PREX1: variants seen among roughly 807,000 people sequenced by gnomAD.
The protein encoded by PREX1 is phosphatidylinositol 3,4,5-trisphosphate-dependent Rac exchanger 1 protein.
A neutral mutation model predicts 198.3 loss-of-function variants in PREX1; 41 were observed. The ratio of observed to expected loss-of-function variants is 0.21; its 90% CI spans 0.16 to 0.27. The LOEUF is 0.27. Among genes scored for constraint, PREX1 ranks in the 10% least tolerant of loss-of-function variants. PREX1 has a pLI of 1.00. For missense variants in PREX1, 1,620 were observed against 2,200.7 expected, an observed-to-expected ratio of 0.74 and a Z score of 5.28; for synonymous variants, 843 against 887.2, an observed-to-expected ratio of 0.95 and a Z score of 0.89.
At chr20:48,710,497 A>G (rs923718985) in intron 5 of PREX1, among the ~76,000 whole-genome samples, 7 of 152,174 alleles carry the variant, frequency 4.6e-5, no homozygotes, top group African/African-American at 1.4e-4. Context: ...AGGCACCATT[A>G]TTCTTCTCGA....
intron 5 of PREX1, among the ~76,000 whole-genome samples, chr20:48,720,498 G>A (rs13043310): frequency 0.26 from 39,889 of 151,814 alleles, 6,646 homozygotes; most frequent in African/African-American, 0.47. Context: ...AGCACCAACC[G>A]TGGCTGTCTC....
the PREX1 span, among the ~76,000 whole-genome samples, chr20:48,864,459 A>T: frequency 6.6e-6 from 1 of 152,364 alleles, no homozygotes; most frequent in Admixed American, 6.5e-5. Context: ...ATGTTGTTCA[A>T]AAAACTTTGT....
Position 48,738,338 on chromosome 20 carries a change from C to T in PREX1, c.415-3688G>A, listed in dbSNP as rs528659450. Reference sequence around the variant, plus strand: ...TCCTCATCCCCTGAGCCCCCTTCTACGACAAGGTCTGCAATGTTTTCCTCT... The same window carrying T: ...TCCTCATCCCCTGAGCCCCCTTCTATGACAAGGTCTGCAATGTTTTCCTCT... On this transcript the variant is annotated intron_variant, in intron 3 of 39. Coordinates refer to ENST00000371941, the MANE Select transcript of PREX1 (RefSeq NM_020820.4). Among the ~76,000 whole-genome samples the T allele has an allele frequency of 7.9e-5, 12 of 152,318 alleles. 1 individual carries two copies. The highest frequency in any genetic ancestry group is 2.9e-4 in the African/African-American group (12 of 41,570).
chr20:48,681,335 A>G lies in PREX1; in HGVS notation c.1335T>C (p.Asn445=), dbSNP rs376090983. 9.9e-6 allele frequency: 16 copies of G among 1,613,860 alleles called. No individual in the cohort carries two copies. Among genetic ancestry groups the G allele is most frequent in the Non-Finnish European group, 1.4e-5 (16 of 1,179,854 alleles). Residue 445 remains asparagine, a splice_region_variant and synonymous_variant, in exon 11 of 40, where the codon AAT becomes AAC. Coordinates refer to ENST00000371941, the MANE Select transcript of PREX1 (RefSeq NM_020820.4). ...LSTVPKCFLG[N]EFVAWLLEIG... ...TTTCTAGGAGCCAGGCAACGAACTC[A>G]CTGCCAGGAACACAATATGTGGTTG...
the PREX1 span, among the ~76,000 whole-genome samples, chr20:48,887,912 C>A: frequency 1.4e-5 from 2 of 146,036 alleles, no homozygotes; most frequent in African/African-American, 5.1e-5. Context: ...ATCACGCCGC[C>A]GCACTCCAGC....
chr20:48,650,035 C>T lies in PREX1; in HGVS notation c.2989G>A (p.Gly997Arg). The change falls in exon 24 of 40, where the codon GGA (glycine) becomes AGA (arginine). Residue 997 changes from glycine to arginine, a missense_variant. Gly to Arg is a moderately radical substitution (Grantham distance 125, BLOSUM62 -2). This residue lies in a region of PREX1 where 514 missense variants were observed against 611.6 expected (regional missense o/e 0.84). Transcript: ENST00000371941. ...SVGRSFSIRF[G>R]RKPSLIGLDP... ...AGGCCGATGAGGGAGGGTTTGCGTC[C>T]AAAGCGGATGCTGAAGGACCTGCCC... 2.5e-6 allele frequency: 4 copies of T among 1,614,196 alleles called. No homozygotes were observed. Among genetic ancestry groups the T allele is most frequent in the Non-Finnish European group, 3.4e-6 (4 of 1,180,042 alleles).
At position 48,636,630 on chromosome 20, in the gene PREX1, C is replaced by T. The variant is rs145091620; in HGVS notation, c.4000G>A (p.Ala1334Thr). ...DAIFCQALVA[A>T]VCTFSKQLLA... ...AGCTGCTTGGAGAAGGTGCACACGGCGGCCACCAGGGCCTGGCAGAAGATC... is the reference window on the plus strand; with the variant it reads ...AGCTGCTTGGAGAAGGTGCACACGGTGGCCACCAGGGCCTGGCAGAAGATC... The change falls in exon 32 of 40, where the codon GCC (alanine) becomes ACC (threonine). Residue 1334 changes from alanine (A) to threonine (T), a missense_variant. Physicochemically the swap from Ala to Thr is moderately conservative, Grantham distance 58 (BLOSUM62 0). Around this residue, in one of 7 missense-constraint regions of PREX1, gnomAD observed 476 missense variants for 603.4 expected, o/e 0.79. Transcript: ENST00000371941. 68 of 1,611,090 alleles carry T rather than the reference C, an allele frequency of 4.2e-5. No individual in the cohort carries two copies. Among genetic ancestry groups the T allele is most frequent in the African/African-American group, 3.1e-4 (23 of 75,028 alleles).
At chr20:48,766,679 G>A (rs969446144) in intron 1 of PREX1, among the ~76,000 whole-genome samples, 2 of 152,198 alleles carry the variant, frequency 1.3e-5, no homozygotes, top group Non-Finnish European at 2.9e-5. Flanking sequence ...CCCATACTTA[G>A]TGCCACCATG....
At chr20:48,816,086 C>T (rs114072145) in intron 1 of PREX1, among the ~76,000 whole-genome samples, 1,905 of 150,698 alleles carry the variant, frequency 0.013, 38 homozygotes, top group African/African-American at 0.044. Context: ...GTTGGAGAGA[C>T]CAGGTCTTAC....
intron 5 of PREX1, among the ~76,000 whole-genome samples, chr20:48,708,771 G>A (rs996852764): frequency 6.6e-6 from 1 of 152,156 alleles, no homozygotes; most frequent in African/African-American, 2.4e-5. Context: ...AGGGGGCACC[G>A]TGGTGCGAAG....
intron 10 of PREX1, 64 bp from the exon 11 acceptor site, chr20:48,681,399 C>T (rs1310347099): frequency 4.0e-6 from 6 of 1,509,980 alleles, no homozygotes; most frequent in Non-Finnish European, 5.5e-6. Context: ...GGAATCAGCA[C>T]TAAGCTGGCC....
At chr20:48,764,781 C>CA (rs1182093484) in intron 1 of PREX1, among the ~76,000 whole-genome samples, 7,045 of 80,214 alleles carry the variant, frequency 0.088, 261 homozygotes, top group South Asian at 0.2. Flanking sequence ...GACTCTTTCT[C>CA]AAAAAAAAAA....
intron 1 of PREX1, among the ~76,000 whole-genome samples, chr20:48,782,467 A>C (rs2090294119): frequency 6.6e-6 from 1 of 152,076 alleles, no homozygotes; most frequent in Admixed American, 6.5e-5. Context: ...TTACCTCTAT[A>C]AATTACCCAG....
chr20:48,741,919 C>T lies in PREX1; in HGVS notation c.414+3106G>A, dbSNP rs542327200. Among the ~76,000 whole-genome samples the T allele has an allele frequency of 6.3e-4, 96 of 152,264 alleles. 1 individual carries two copies. Among genetic ancestry groups the T allele is most frequent in the Admixed American group, 1.2e-3 (18 of 15,300 alleles). On this transcript the variant is annotated intron_variant, in intron 3 of 39. Transcript: ENST00000371941. ...TGGCTAGAGCCAGGGGAGCAAGTTC[C>T]GAGGAATGAACAGGGCCTGGCGGGC...
At chr20:48,799,567 C>G (rs1269574181) in intron 1 of PREX1, among the ~76,000 whole-genome samples, 1 of 152,242 alleles carries the variant, frequency 6.6e-6, no homozygotes, top group Non-Finnish European at 1.5e-5. Flanking sequence ...AAGCCACCCT[C>G]TGGGGCCCCA....
intron 1 of PREX1, among the ~76,000 whole-genome samples, chr20:48,758,478 G>A (rs1179963030): frequency 1.3e-5 from 2 of 152,174 alleles, no homozygotes; most frequent in African/African-American, 4.8e-5. Context: ...GCTTGGGGGG[G>A]TGAAAGACAG....
intron 7 of PREX1, among the ~76,000 whole-genome samples, chr20:48,697,954 G>A (rs763555125): frequency 3.3e-5 from 5 of 152,204 alleles, no homozygotes; most frequent in African/African-American, 4.8e-5. Flanking sequence ...GACAAACACA[G>A]TCAGCAGTCA....
At chr20:48,748,343 A>C (rs962656487) in intron 1 of PREX1, among the ~76,000 whole-genome samples, 2 of 152,170 alleles carry the variant, frequency 1.3e-5, no homozygotes, top group African/African-American at 4.8e-5. Flanking sequence ...AAACAGAGAA[A>C]GTCTCTCTCC....
intron 1 of PREX1, among the ~76,000 whole-genome samples, chr20:48,784,801 A>G (rs1998287): frequency 0.9 from 137,683 of 152,270 alleles, 62,370 homozygotes; most frequent in African/African-American, 0.92. Context: ...CACTGGCTGG[A>G]CAGAAGCAGC....
Sources: allele counts gnomAD v4.1 joint callset (sites outside exome capture counted in the v4.1 genomes callset), GRCh38; gene constraint gnomAD v4.1.1; regional missense constraint gnomAD v4.1.1; transcripts MANE v1.5; gene names NCBI Gene and HGNC (gene_info 2026-07-23, HGNC 2026-07-21).